Variants in VPS35L observed in about 807,000 individuals in gnomAD.
The protein encoded by VPS35L is VPS35 endosomal protein sorting factor like, also known as VPS35 endosomal protein-sorting factor-like.
Under a neutral mutation model 133.0 loss-of-function variants are expected in VPS35L, and 83 were observed. That is an observed-to-expected ratio of 0.62 (90% CI 0.52 to 0.75). VPS35L has a LOEUF of 0.75. Ranked by LOEUF, VPS35L falls within the 30% of genes least tolerant of loss-of-function variation. The pLI, the probability that VPS35L is intolerant of heterozygous loss-of-function variation, is 0.00. For synonymous variants in VPS35L, 423 were observed against 449.9 expected (o/e 0.94, Z 0.76); for missense variants, 1,083 against 1,206.8 (o/e 0.90, Z 1.52).
At chr16:19,625,777 G>A (rs1011031517) in intron 14 of VPS35L, among the ~76,000 whole-genome samples, 19 of 152,138 alleles carry the variant, frequency 1.2e-4, no homozygotes, top group African/African-American at 4.1e-4. Flanking sequence ...GGGTTCAAGC[G>A]ATTCTCCTTC....
intron 8 of VPS35L, among the ~76,000 whole-genome samples, chr16:19,599,553 A>T (rs533279329): frequency 2.5e-4 from 35 of 141,940 alleles, no homozygotes; most frequent in African/African-American, 9.4e-4. Flanking sequence ...TTTTTTTTTT[A>T]AAGACAGTGT....
intron 1 of VPS35L, among the ~76,000 whole-genome samples, chr16:19,564,033 G>A (rs998163609): frequency 7.2e-5 from 11 of 152,268 alleles, no homozygotes; most frequent in African/African-American, 2.4e-4. Flanking sequence ...TTGTTCTGGT[G>A]TGTGGCATAA....
chr16:19,571,146 C>T (rs1161937734), intron 3 of VPS35L, among the ~76,000 whole-genome samples: 2 of 151,934 alleles, frequency 1.3e-5, no homozygotes, highest in African/African-American at 4.8e-5. Flanking sequence ...GCTGCAATTA[C>T]AGGCGTAAGC....
At chr16:19,669,815 C>T (rs150566327) in intron 27 of VPS35L, among the ~76,000 whole-genome samples, 66 of 152,032 alleles carry the variant, frequency 4.3e-4, no homozygotes, top group African/African-American at 1.4e-3. Flanking sequence ...GGATTACAGG[C>T]GCCCGCCACC....
intron 23 of VPS35L, among the ~76,000 whole-genome samples, chr16:19,645,421 C>T (rs958096019): frequency 6.6e-6 from 1 of 152,056 alleles, no homozygotes; most frequent in African/African-American, 2.4e-5. Context: ...TCCCGAGTAG[C>T]TGGGACTACA....
chr16:19,635,922 G>A (rs1031721512), intron 19 of VPS35L, among the ~76,000 whole-genome samples: 7 of 152,202 alleles, frequency 4.6e-5, no homozygotes, highest in South Asian at 4.1e-4. Flanking sequence ...AGTGGCTCAC[G>A]CTTGTAATCC....
chr16:19,626,102 T>C, intron 14 of VPS35L, 75 bp from the exon 15 acceptor site: 1 of 973,430 alleles, frequency 1.0e-6, no homozygotes, highest in Non-Finnish European at 1.5e-6. Context: ...GAGTTCGACT[T>C]TGGAAATCTC....
chr16:19,608,280 C>CTT lies in VPS35L; in HGVS notation c.881+19_881+20dup, dbSNP rs11291600. 0.022 allele frequency: 30,067 copies of CTT among 1,378,956 alleles called. 475 individuals are homozygous for CTT. Among genetic ancestry groups the CTT allele is most frequent in the African/African-American group, 0.13 (8,528 of 66,180 alleles). 85.4% of individuals were successfully genotyped at this position (1,378,956 alleles called of 1,614,324 possible). ...AGGGAACTCATTCCAAGATTGTATC[C>CTT]TTTTTTTTTTTTTTGGTCTGATGAT... is the stretch of plus-strand genomic sequence containing the variant. On this transcript the variant is annotated splice_region_variant and intron_variant, in intron 10 of 30. Coordinates refer to ENST00000417362, the MANE Select transcript of VPS35L (RefSeq NM_020314.7).
intron 18 of VPS35L, among the ~76,000 whole-genome samples, chr16:19,630,783 T>A (rs866826120): frequency 1.7e-4 from 26 of 152,022 alleles, no homozygotes; most frequent in Middle Eastern, 3.4e-3. Context: ...AGGAGATTAA[T>A]GCCCTTATAA....
chr16:19,565,549 C>T (rs1307798910), intron 2 of VPS35L, among the ~76,000 whole-genome samples: 2 of 152,096 alleles, frequency 1.3e-5, no homozygotes, highest in Admixed American at 6.6e-5. Flanking sequence ...GACAGGGTTT[C>T]GCCATGTTGG....
chr16:19,696,950 C>T (rs899550383), intron 29 of VPS35L, among the ~76,000 whole-genome samples: 2 of 152,154 alleles, frequency 1.3e-5, no homozygotes, highest in African/African-American at 2.4e-5. Flanking sequence ...GTGGGGCTCC[C>T]GTTCTCCCAG....
chr16:19,584,447 T>C (rs12924581), intron 7 of VPS35L, among the ~76,000 whole-genome samples: 2 of 151,862 alleles, frequency 1.3e-5, no homozygotes, highest in African/African-American at 4.8e-5. Flanking sequence ...GCCAACATGG[T>C]AAAACCCCAT....
Position 19,642,476 on chromosome 16 carries a change from A to G in VPS35L, c.1865A>G (p.Asn622Ser), listed in dbSNP as rs150266526. The change falls in exon 22 of 31, where the codon AAT becomes AGT. Residue 622 changes from asparagine (N) to serine (S), a missense_variant and splice_region_variant. Coordinates refer to ENST00000417362, the MANE Select transcript of VPS35L (RefSeq NM_020314.7). ...HVCKTMHDSV[N>S]ALTLEDEKRM... ...TGCAAGACCATGCATGACTCTGTGA[A>G]GTAAGCCATGCTTACAGCTGAAATA... The G allele has an allele frequency of 7.4e-6, 12 of 1,610,982 alleles. No individual in the cohort carries two copies. In the African/African-American group the frequency reaches 1.5e-4, roughly 20 times the overall value.
At chr16:19,662,573 G>A (rs540169580) in intron 26 of VPS35L, among the ~76,000 whole-genome samples, 133 of 152,196 alleles carry the variant, frequency 8.7e-4, no homozygotes, top group African/African-American at 3.0e-3. Flanking sequence ...TAACATTGCC[G>A]ACCTCCTGAG....
intron 28 of VPS35L, among the ~76,000 whole-genome samples, chr16:19,686,529 C>T (rs1975466709): frequency 6.6e-6 from 1 of 152,128 alleles, no homozygotes; most frequent in Non-Finnish European, 1.5e-5. Context: ...GGCAGCCCTC[C>T]TCACTCTTCC....
At chr16:19,640,872 A>G (rs1431265330) in intron 21 of VPS35L, among the ~76,000 whole-genome samples, 3 of 151,946 alleles carry the variant, frequency 2.0e-5, no homozygotes, top group African/African-American at 7.2e-5. Flanking sequence ...TCAGCCTCCC[A>G]GGTAGCTGGG....
At chr16:19,656,962 G>GTTTTT (rs1180404849) in intron 26 of VPS35L, among the ~76,000 whole-genome samples, 12 of 109,542 alleles carry the variant, frequency 1.1e-4, no homozygotes, top group Non-Finnish European at 1.8e-4. Flanking sequence ...AAAAGAACTT[G>GTTTTT]TTTTTTTTTT....
intron 28 of VPS35L, among the ~76,000 whole-genome samples, chr16:19,689,257 G>GT (rs1975580863): frequency 6.8e-6 from 1 of 146,256 alleles, no homozygotes; most frequent in East Asian, 2.0e-4. Flanking sequence ...GATTACAGGT[G>GT]TGAGCCACTG....
chr16:19,579,716 G>T (rs571169077), intron 6 of VPS35L: 1 of 131,952 alleles, frequency 7.6e-6, no homozygotes, highest in African/African-American at 3.4e-5. Flanking sequence ...CCCAACTGCA[G>T]TCACCTCCCT....
Sources: allele counts gnomAD v4.1 joint callset (sites outside exome capture counted in the v4.1 genomes callset), GRCh38; gene constraint gnomAD v4.1.1; transcripts MANE v1.5; gene names NCBI Gene and HGNC (gene_info 2026-07-23, HGNC 2026-07-21).